SLCO6A1: variants seen among roughly 807,000 people sequenced by gnomAD.
The protein encoded by SLCO6A1 is cancer/testis antigen 48.
SLCO6A1 carries 65 observed loss-of-function variants against 72.7 expected under a neutral mutation model. The observed-to-expected ratio is 0.89, with a 90% CI of 0.73 to 1.10. The LOEUF (loss-of-function observed/expected upper bound fraction) is 1.10, where lower values mean the gene tolerates loss of function less well. Among genes scored for constraint, SLCO6A1 ranks in the 50% least tolerant of loss-of-function variants. SLCO6A1 has a pLI of 0.00. For missense variants in SLCO6A1, 874 were observed against 872.6 expected, an observed-to-expected ratio of 1.00 and a Z score of -0.02; for synonymous variants, 314 against 298.2, an observed-to-expected ratio of 1.05 and a Z score of -0.55.
At chr5:102,402,033 T>C (rs1747424413) in intron 9 of SLCO6A1, among the ~76,000 whole-genome samples, 1 of 151,968 alleles carries the variant, frequency 6.6e-6, no homozygotes, top group South Asian at 2.1e-4. Context: ...TCAGAAGACA[T>C]TGGGCTCTAA....
intron 4 of SLCO6A1, among the ~76,000 whole-genome samples, chr5:102,467,273 T>C (rs1751358838): frequency 6.6e-6 from 1 of 152,214 alleles, no homozygotes; most frequent in East Asian, 1.9e-4. Context: ...AAAAACATTA[T>C]CCTGGTATAA....
intron 1 of SLCO6A1, among the ~76,000 whole-genome samples, chr5:102,494,007 G>A (rs1186564192): frequency 6.6e-6 from 1 of 152,096 alleles, no homozygotes; most frequent in African/African-American, 2.4e-5. Context: ...AAGGAACGAA[G>A]TCGAAAGGAT....
intron 6 of SLCO6A1, among the ~76,000 whole-genome samples, chr5:102,451,657 T>C (rs1160829967): frequency 6.6e-6 from 1 of 152,200 alleles, no homozygotes; most frequent in East Asian, 1.9e-4. Context: ...ACTCACTTGC[T>C]GTTTCCCCTC....
At chr5:102,417,535 A>G (rs1327731235) in intron 8 of SLCO6A1, among the ~76,000 whole-genome samples, 1 of 152,146 alleles carries the variant, frequency 6.6e-6, no homozygotes, top group Non-Finnish European at 1.5e-5. Flanking sequence ...GATTTATAGT[A>G]TACATTTTTA....
chr5:102,378,946 A>G (rs1745961894), intron 12 of SLCO6A1, among the ~76,000 whole-genome samples: 1 of 151,814 alleles, frequency 6.6e-6, no homozygotes, highest in Non-Finnish European at 1.5e-5. Flanking sequence ...ACGCCTAGCT[A>G]ATTTTTGTGT....
chr5:102,491,450 C>T (rs1752672028), intron 1 of SLCO6A1, among the ~76,000 whole-genome samples: 1 of 152,184 alleles, frequency 6.6e-6, no homozygotes, highest in African/African-American at 2.4e-5. Flanking sequence ...GGGCGGCACT[C>T]GTTGGGGAGG....
At chr5:102,475,451 T>C (rs1751845888) in intron 4 of SLCO6A1, among the ~76,000 whole-genome samples, 2 of 152,132 alleles carry the variant, frequency 1.3e-5, no homozygotes, top group Non-Finnish European at 2.9e-5. Flanking sequence ...GCAAAAATTC[T>C]AGATATATAT....
At chr5:102,444,283 C>A (rs975916884) in intron 6 of SLCO6A1, among the ~76,000 whole-genome samples, 2 of 152,148 alleles carry the variant, frequency 1.3e-5, no homozygotes, top group African/African-American at 4.8e-5. Flanking sequence ...GAAGGTGGGA[C>A]ATATAGTGTC....
Position 102,475,774 on chromosome 5 carries a change from T to C in SLCO6A1, c.822A>G (p.Ser274=), listed in dbSNP as rs755458992. ...GIYLGIAECT[S]MIGYALGYVL... ...CATAACCCAGAGCATATCCAATCAT[T>C]GATGTACATTCTGCAATACCTGTAA... The change falls in exon 4 of 14, where the codon TCA becomes TCG. Residue 274 remains serine (S), a synonymous_variant. Coordinates refer to ENST00000506729, the MANE Select transcript of SLCO6A1 (RefSeq NM_173488.5). 3 of 1,607,928 alleles carry C rather than the reference T, an allele frequency of 1.9e-6. No individual in the cohort carries two copies. The South Asian group carries it at 3.3e-5, about 18-fold the overall frequency.
At chr5:102,396,006 A>G (rs1332060728) in intron 10 of SLCO6A1, among the ~76,000 whole-genome samples, 2 of 151,818 alleles carry the variant, frequency 1.3e-5, no homozygotes, top group Admixed American at 6.6e-5. Context: ...GTTCACTCTG[A>G]TGGTAGTTTC....
Position 102,419,807 on chromosome 5 carries a change from T to C in SLCO6A1, c.1472+19A>G. The C allele has an allele frequency of 6.4e-7, 1 of 1,559,876 alleles. No homozygotes were observed. On this transcript the variant is annotated intron_variant, in intron 8 of 13. Transcript: ENST00000506729. ...GTAGGATTTTGATGTAAAAGTCTAA[T>C]ATACAAGACTACATTTACCCATCAT...
At chr5:102,387,796 A>G (rs1746498540) in intron 12 of SLCO6A1, among the ~76,000 whole-genome samples, 1 of 152,186 alleles carries the variant, frequency 6.6e-6, no homozygotes, top group South Asian at 2.1e-4. Flanking sequence ...AAAATCATTT[A>G]ACGTTTACTC....
intron 1 of SLCO6A1, among the ~76,000 whole-genome samples, chr5:102,497,220 T>G (rs1156409677): frequency 6.6e-6 from 1 of 152,210 alleles, no homozygotes; most frequent in Non-Finnish European, 1.5e-5. Flanking sequence ...CAAATTCACC[T>G]TCTTCAAAAT....
chr5:102,413,251 CT>C (rs1283497302), intron 8 of SLCO6A1, 108 bp from the exon 9 acceptor site: 11 of 1,111,058 alleles, frequency 9.9e-6, no homozygotes, highest in Admixed American at 3.3e-5. Flanking sequence ...GAAATAATTT[CT>C]TTTTTTAACA....
At chr5:102,402,045 AG>A (rs937004095) in intron 9 of SLCO6A1, among the ~76,000 whole-genome samples, 6 of 152,146 alleles carry the variant, frequency 3.9e-5, no homozygotes, top group Non-Finnish European at 8.8e-5. Context: ...GGGCTCTAAA[AG>A]GGTTGAAGAA....
chr5:102,379,939 G>A (rs999990188), intron 12 of SLCO6A1, among the ~76,000 whole-genome samples: 2 of 151,780 alleles, frequency 1.3e-5, no homozygotes, highest in South Asian at 2.1e-4. Flanking sequence ...CAGTGTAGAC[G>A]TTTTGTACAA....
chr5:102,383,073 A>C (rs1746203972), intron 12 of SLCO6A1, among the ~76,000 whole-genome samples: 1 of 70,168 alleles, frequency 1.4e-5, no homozygotes, highest in South Asian at 4.5e-4. Flanking sequence ...AAAACTATAT[A>C]TAGTGTATGT....
chr5:102,390,100 G>T (rs1303136087), intron 11 of SLCO6A1, among the ~76,000 whole-genome samples: 2 of 151,868 alleles, frequency 1.3e-5, no homozygotes, highest in African/African-American at 4.8e-5. Context: ...AAATTATCTG[G>T]CAGAAAAACC....
chr5:102,396,603 C>A (rs943068093), intron 10 of SLCO6A1, among the ~76,000 whole-genome samples: 4 of 152,054 alleles, frequency 2.6e-5, no homozygotes, highest in African/African-American at 9.7e-5. Flanking sequence ...TAACACAAGA[C>A]ACATCTTTGC....
Sources: gnomAD v4.1 joint callset for allele counts (sites outside exome capture counted in the v4.1 genomes callset) on GRCh38, gnomAD v4.1.1 for gene constraint, MANE v1.5 for transcripts, NCBI Gene and HGNC (gene_info 2026-07-23, HGNC 2026-07-21) for gene names.